The following CAMK1D variants were observed in gnomAD, a reference collection of about 807,000 sequenced individuals.
The protein encoded by CAMK1D is calcium/calmodulin-dependent protein kinase type 1D.
Under a neutral mutation model 47.7 loss-of-function variants are expected in CAMK1D, and 9 were observed. The observed-to-expected ratio is 0.19, with a 90% CI of 0.11 to 0.33. The LOEUF (loss-of-function observed/expected upper bound fraction) is 0.33. Ranked by LOEUF, CAMK1D falls within the 10% of genes least tolerant of loss-of-function variation. CAMK1D has a pLI of 1.00. For missense variants in CAMK1D, 291 were observed against 488.7 expected (o/e 0.60, Z 3.81); for synonymous variants, 184 against 184.9 (o/e 0.99, Z 0.04).
chr10:12,580,777 TA>T (rs1837641477), intron 2 of CAMK1D, among the ~76,000 whole-genome samples: 1 of 152,168 alleles, frequency 6.6e-6, no homozygotes, highest in South Asian at 2.1e-4. Context: ...GAAATGTGTG[TA>T]TTGTTTTGAA....
chr10:12,442,249 A>G (rs1407288588), intron 1 of CAMK1D, among the ~76,000 whole-genome samples: 1 of 152,224 alleles, frequency 6.6e-6, no homozygotes, highest in Non-Finnish European at 1.5e-5. Context: ...TGGGAGGTCA[A>G]GGCAGGCGGA....
chr10:12,373,778 A>G (rs1030189962), intron 1 of CAMK1D, among the ~76,000 whole-genome samples: 3 of 151,744 alleles, frequency 2.0e-5, no homozygotes, highest in Non-Finnish European at 4.4e-5. Flanking sequence ...TTCTCTGTTA[A>G]GAGCTCAGGG....
rs5783273 is a variant in CAMK1D at position 12,557,551 on chromosome 10, CAAAAAAA to C, written c.224+4208_224+4214del. Among the ~76,000 whole-genome samples the C allele has an allele frequency of 1.6e-3, 134 of 84,440 alleles. 2 individuals carry two copies. The highest frequency in any genetic ancestry group is 0.013 in the Admixed American group (106 of 7,990). 55.4% of individuals were successfully genotyped at this position (84,440 alleles called of 152,430 possible). A position where few individuals can be genotyped will look rare whatever the true frequency, so the allele number is the denominator to read the frequency against. ...TGGGCGACAGAGCGAGACTCCATCT[CAAAAAAA>C]AAAAAAAAAAAAGAAAAAAGAAAAA... On this transcript the variant is annotated intron_variant, in intron 2 of 10. Transcript: ENST00000619168.
At chr10:12,585,424 T>C (rs1837786962) in intron 2 of CAMK1D, among the ~76,000 whole-genome samples, 1 of 152,190 alleles carries the variant, frequency 6.6e-6, no homozygotes, top group African/African-American at 2.4e-5. Flanking sequence ...CAAGTACAGT[T>C]CCTAGGAGGG....
chr10:12,571,934 A>G (rs559045568), intron 2 of CAMK1D, among the ~76,000 whole-genome samples: 2 of 152,286 alleles, frequency 1.3e-5, no homozygotes, highest in South Asian at 2.1e-4. Flanking sequence ...AGAAATGCCA[A>G]GTATTTTAGA....
rs762457711 is a variant in CAMK1D at position 12,816,387 on chromosome 10, G to A, written c.833+59G>A. 9.3e-5 allele frequency: 124 copies of A among 1,337,852 alleles called. No individual in the cohort carries two copies. The African/African-American group carries it at 1.1e-3, about 12-fold the overall frequency. The allele number at this position is 1,337,852 out of a possible 1,614,324, so 82.9% of individuals were successfully genotyped here. A position where few individuals can be genotyped will look rare whatever the true frequency, so the allele number is the denominator to read the frequency against. On this transcript the variant is annotated intron_variant, in intron 8 of 10. Coordinates refer to ENST00000619168, the MANE Select transcript of CAMK1D (RefSeq NM_153498.4). ...ATTTAATGCCATCTGGGGGGGGCAC[G>A]AAACTTCCTGTTGGCCGTTGTCATT... is the stretch of plus-strand genomic sequence containing the variant.
chr10:12,652,324 G>A (rs935966866), intron 2 of CAMK1D, among the ~76,000 whole-genome samples: 1 of 150,646 alleles, frequency 6.6e-6, no homozygotes, highest in East Asian at 2.0e-4. Flanking sequence ...GCTCACGCCT[G>A]TAATCCCAGC....
intron 2 of CAMK1D, among the ~76,000 whole-genome samples, chr10:12,617,008 T>C (rs1485066227): frequency 1.3e-5 from 2 of 152,014 alleles, no homozygotes; most frequent in Admixed American, 1.3e-4. Flanking sequence ...GATCGCCTTT[T>C]TAATATCCCT....
At chr10:12,518,990 A>G (rs531575133) in intron 1 of CAMK1D, among the ~76,000 whole-genome samples, 5 of 121,004 alleles carry the variant, frequency 4.1e-5, no homozygotes, top group South Asian at 3.4e-4. Flanking sequence ...CCCATCCCCA[A>G]TGAGCCGCTG....
intron 1 of CAMK1D, among the ~76,000 whole-genome samples, chr10:12,538,185 T>G (rs1011516054): frequency 6.6e-6 from 1 of 152,250 alleles, no homozygotes; most frequent in Non-Finnish European, 1.5e-5. Context: ...TAGATTATGC[T>G]GGACTTGGTA....
Position 12,816,965 on chromosome 10 carries a change from G to C in CAMK1D, c.833+637G>C, listed in dbSNP as rs186048697. 2.2e-3 allele frequency among the ~76,000 whole-genome samples: 333 copies of C among 152,124 alleles called. 3 individuals carry two copies. Among genetic ancestry groups the C allele is most frequent in the African/African-American group, 7.6e-3 (317 of 41,514 alleles). Reference sequence around the variant, plus strand: ...TTGGACTCACAGTTCCACGTGGCTGGGGAGGCCTCACAATCGTGGTGGAAG... The same window carrying C: ...TTGGACTCACAGTTCCACGTGGCTGCGGAGGCCTCACAATCGTGGTGGAAG... On this transcript the variant is annotated intron_variant, in intron 8 of 10. Coordinates refer to ENST00000619168, the MANE Select transcript of CAMK1D (RefSeq NM_153498.4).
At chr10:12,826,178 A>G (rs1833202259) in intron 10 of CAMK1D, 2 of 156,230 alleles carry the variant, frequency 1.3e-5, no homozygotes, top group Admixed American at 1.2e-4. Flanking sequence ...GTGGAACCCT[A>G]GGTATTGCTA....
chr10:12,476,089 T>C (rs576966848), intron 1 of CAMK1D, among the ~76,000 whole-genome samples: 1 of 151,900 alleles, frequency 6.6e-6, no homozygotes, highest in Non-Finnish European at 1.5e-5. Flanking sequence ...TTCAGGAGTT[T>C]GAGACCAGCC....
At chr10:12,676,196 C>T (rs1249985115) in intron 3 of CAMK1D, among the ~76,000 whole-genome samples, 2 of 152,206 alleles carry the variant, frequency 1.3e-5, no homozygotes, top group African/African-American at 4.8e-5. Flanking sequence ...TCAGGTGATC[C>T]TCTTGCCTCT....
intron 1 of CAMK1D, among the ~76,000 whole-genome samples, chr10:12,409,835 C>G (rs2131939827): frequency 6.6e-6 from 1 of 152,350 alleles, no homozygotes; most frequent in South Asian, 2.1e-4. Context: ...AACAGAAACT[C>G]TGTACCCATT....
At chr10:12,789,444 G>T (rs1347137779) in intron 5 of CAMK1D, among the ~76,000 whole-genome samples, 1 of 152,182 alleles carries the variant, frequency 6.6e-6, no homozygotes. Flanking sequence ...TTCCTATCTA[G>T]CTGTGTGATG....
intron 8 of CAMK1D, among the ~76,000 whole-genome samples, chr10:12,819,781 A>G (rs7083825): frequency 0.063 from 9,630 of 152,164 alleles, 996 homozygotes; most frequent in African/African-American, 0.22. Context: ...CCAGAGGTGC[A>G]GCCTAGAGGC....
intron 5 of CAMK1D, among the ~76,000 whole-genome samples, chr10:12,785,833 A>G (rs1215862884): frequency 6.6e-6 from 1 of 152,166 alleles, no homozygotes; most frequent in Non-Finnish European, 1.5e-5. Context: ...AAACAAGAAA[A>G]TGGATGGGTT....
chr10:12,557,318 G>T (rs745977684), intron 2 of CAMK1D, among the ~76,000 whole-genome samples: 2 of 152,082 alleles, frequency 1.3e-5, no homozygotes, highest in African/African-American at 4.8e-5. Context: ...GGGAGGCTGA[G>T]GCAGGTGGAT....
Sources: gnomAD v4.1 joint callset for allele counts (sites outside exome capture counted in the v4.1 genomes callset) on GRCh38, gnomAD v4.1.1 for gene constraint, MANE v1.5 for transcripts, NCBI Gene and HGNC (gene_info 2026-07-23, HGNC 2026-07-21) for gene names.